Variants in KCNE2 observed in about 807,000 individuals in gnomAD.
KCNE2 encodes the protein potassium voltage-gated channel subfamily E regulatory subunit 2, also known as potassium voltage-gated channel subfamily E member 2.
In KCNE2, 4 loss-of-function variants were observed where a neutral mutation model predicts 4.5. That is an observed-to-expected ratio of 0.89 (90% CI 0.44 to 2.03). The LOEUF is 2.03. Ranked by LOEUF, KCNE2 falls within the 30% of genes most tolerant of loss-of-function variation. The pLI is 0.03. For synonymous variants in KCNE2, 57 were observed against 55.9 expected, an observed-to-expected ratio of 1.02 and a Z score of -0.09; for missense variants, 137 against 151.4, an observed-to-expected ratio of 0.90 and a Z score of 0.50.
intron 1 of KCNE2, among the ~76,000 whole-genome samples, chr21:34,370,041 A>G (rs978070186): frequency 6.6e-6 from 1 of 152,238 alleles, no homozygotes; most frequent in Non-Finnish European, 1.5e-5. Context: ...ATTTTTTAAA[A>G]AACAAAAGTA....
At chr21:34,365,957 C>G (rs942174092) in intron 1 of KCNE2, among the ~76,000 whole-genome samples, 1 of 152,218 alleles carries the variant, frequency 6.6e-6, no homozygotes, top group Non-Finnish European at 1.5e-5. Context: ...GTTTATTTGG[C>G]CTGGCCACGG....
rs1979573641 is a variant in KCNE2 at position 34,371,113 on chromosome 21, CAAT to C, written c.*264_*266del. Reference sequence around the variant, plus strand: ...AAGTGAATGTCATTTTAATCAATATCAATGATGAAAATAAAGCCAAATTTGAAG... The same window carrying C: ...AAGTGAATGTCATTTTAATCAATATCGATGAAAATAAAGCCAAATTTGAAG... On this transcript the variant is annotated 3_prime_UTR_variant, in exon 2 of 2. Coordinates refer to ENST00000290310, the MANE Select transcript of KCNE2 (RefSeq NM_172201.2). The C allele has an allele frequency of 7.7e-6, 4 of 520,480 alleles. No homozygotes were observed. The highest frequency in any genetic ancestry group is 3.5e-5 in the Admixed American group (1 of 28,722). The allele number at this position is 520,480 out of a possible 1,614,324, so 32.2% of individuals were successfully genotyped here. A position where few individuals can be genotyped will look rare whatever the true frequency, so the allele number is the denominator to read the frequency against.
chr21:34,367,695 C>T (rs536350650), intron 1 of KCNE2, among the ~76,000 whole-genome samples: 2 of 152,298 alleles, frequency 1.3e-5, no homozygotes, highest in African/African-American at 4.8e-5. Context: ...TTTGATTATT[C>T]AGCTGATTGA....
In KCNE2 at chr21:34,370,707, C is replaced by T. The variant is rs141423405; in HGVS notation, c.229C>T (p.Arg77Trp). 104 of 1,614,034 alleles carry T rather than the reference C, an allele frequency of 6.4e-5. No individual in the cohort carries two copies. The highest frequency in any genetic ancestry group is 1.0e-4 in the Admixed American group (6 of 59,982). The part of the protein sequence containing the change: ...ILVSTVKSKR[R>W]EHSNDPYHQY... The stretch of plus-strand genomic sequence containing the variant: ...GGTGAGCACTGTGAAATCCAAGAGA[C>T]GGGAACACTCCAATGACCCCTACCA... The change falls in exon 2 of 2, where the codon CGG becomes TGG. Residue 77 changes from arginine to tryptophan, a missense_variant. By Grantham distance (101) the Arg-to-Trp change is moderately radical. Coordinates refer to ENST00000290310, the MANE Select transcript of KCNE2 (RefSeq NM_172201.2).
At chr21:34,366,802 AC>A (rs1476166452) in intron 1 of KCNE2, among the ~76,000 whole-genome samples, 1 of 151,298 alleles carries the variant, frequency 6.6e-6, no homozygotes. Context: ...ACATGGTGAA[AC>A]CCCGTCTGTA....
At chr21:34,370,096 A>C (rs1214412039) in intron 1 of KCNE2, among the ~76,000 whole-genome samples, 1 of 152,258 alleles carries the variant, frequency 6.6e-6, no homozygotes, top group African/African-American at 2.4e-5. Flanking sequence ...AAAAGCATAA[A>C]GAAGAAAATA....
At position 34,371,159 on chromosome 21, in the gene KCNE2, G is replaced by A. The variant is rs571235710; in HGVS notation, c.*309G>A. The stretch of plus-strand genomic sequence containing the variant: ...ATTTGAAGTAAAGTGTCTGGGCAGT[G>A]GCTGTGGGGATAGAAAGGAGAGATT... On this transcript the variant is annotated 3_prime_UTR_variant, in exon 2 of 2. Coordinates refer to ENST00000290310, the MANE Select transcript of KCNE2 (RefSeq NM_172201.2). 1.2e-4 allele frequency: 48 copies of A among 394,880 alleles called. No individual in the cohort carries two copies. Among genetic ancestry groups the A allele is most frequent in the African/African-American group, 6.8e-4 (33 of 48,880 alleles). 24.5% of individuals were successfully genotyped at this position (394,880 alleles called of 1,614,324 possible). A position where few individuals can be genotyped will look rare whatever the true frequency, so the allele number is the denominator to read the frequency against.
At chr21:34,368,053 C>T (rs771862509) in intron 1 of KCNE2, among the ~76,000 whole-genome samples, 2 of 151,734 alleles carry the variant, frequency 1.3e-5, no homozygotes, top group South Asian at 2.1e-4. Flanking sequence ...GCAGTTTCAT[C>T]GCCTAGCATA....
Position 34,370,664 on chromosome 21 carries a change from C to G in KCNE2, c.186C>G (p.Phe62Leu). 1 of 1,614,218 alleles carries G rather than the reference C, an allele frequency of 6.2e-7. No homozygotes were observed. Among genetic ancestry groups the G allele is most frequent in the East Asian group, 2.2e-5 (1 of 44,890 alleles). Residue 62 changes from phenylalanine (F) to leucine (L), a missense_variant, in exon 2 of 2, where the codon TTC becomes TTG. Coordinates refer to ENST00000290310, the MANE Select transcript of KCNE2 (RefSeq NM_172201.2). ...TGGTGATGATTGGAATGTTCTCTTT[C>G]ATCATCGTGGCCATCCTGGTGAGCA... is the stretch of plus-strand genomic sequence containing the variant. ...YLMVMIGMFS[F>L]IIVAILVSTV...
intron 1 of KCNE2, among the ~76,000 whole-genome samples, chr21:34,368,308 T>G (rs1979430467): frequency 6.9e-6 from 1 of 144,794 alleles, no homozygotes; most frequent in Non-Finnish European, 1.5e-5. Context: ...ATGTATGTAT[T>G]AAAAAATCTT....
chr21:34,366,974 CAAAAAAAAAA>C (rs747133749), intron 1 of KCNE2, among the ~76,000 whole-genome samples: 3 of 14,824 alleles, frequency 2.0e-4, no homozygotes, highest in African/African-American at 6.8e-4. Flanking sequence ...GACTCCATCT[CAAAAAAAAAA>C]AAAAAAAAAA....
intron 1 of KCNE2, among the ~76,000 whole-genome samples, chr21:34,368,232 A>ACAC (rs1322748846): frequency 8.8e-4 from 32 of 36,466 alleles, no homozygotes; most frequent in African/African-American, 2.3e-3. Flanking sequence ...CACACACAAT[A>ACAC]TATATATATA....
Position 34,370,831 on chromosome 21 carries a change from G to A in KCNE2, c.353G>A (p.Gly118Glu). Residue 118 changes from glycine to glutamate, a missense_variant, in exon 2 of 2, where the codon GGG (glycine) becomes GAG (glutamate). Transcript: ENST00000290310. ...ATIHENIGAA[G>E]FKMSP is the part of the protein sequence containing the mutation. Reference sequence around the variant, plus strand: ...ATCCATGAGAACATTGGTGCGGCTGGGTTCAAAATGTCCCCCTGATAAGGG... The same window carrying A: ...ATCCATGAGAACATTGGTGCGGCTGAGTTCAAAATGTCCCCCTGATAAGGG... 1 of 1,614,036 alleles carries A rather than the reference G, an allele frequency of 6.2e-7. No homozygotes were observed.
rs1012731688 is a variant in KCNE2 at position 34,367,581 on chromosome 21, A to G, written c.-12-2886A>G. Among the ~76,000 whole-genome samples the G allele has an allele frequency of 5.9e-5, 9 of 152,358 alleles. No homozygotes were observed. The South Asian group carries it at 1.0e-3, about 18-fold the overall frequency. On this transcript the variant is annotated intron_variant, in intron 1 of 1. Coordinates refer to ENST00000290310, the MANE Select transcript of KCNE2 (RefSeq NM_172201.2). ...TAAATAATAGAACTTAAAACATCAGACAGAGAAGAGTATATTATCTTGGTG... is the reference window on the plus strand; with the variant it reads ...TAAATAATAGAACTTAAAACATCAGGCAGAGAAGAGTATATTATCTTGGTG...
intron 1 of KCNE2, among the ~76,000 whole-genome samples, 151 bp from the exon 2 acceptor site, chr21:34,370,316 G>C (rs560353823): frequency 6.6e-6 from 1 of 152,278 alleles, no homozygotes; most frequent in South Asian, 2.1e-4. Flanking sequence ...TCAGTTTAAA[G>C]ACTAACAAAA....
chr21:34,368,514 C>G (rs1979443781), intron 1 of KCNE2, among the ~76,000 whole-genome samples: 1 of 151,842 alleles, frequency 6.6e-6, no homozygotes, highest in African/African-American at 2.4e-5. Context: ...ACAGGAGAAT[C>G]ACTTGAACCT....
rs1335648816 is a variant in KCNE2 at position 34,368,252 on chromosome 21, ATATATATATGTATGT to A, written c.-12-2184_-12-2170del. On this transcript the variant is annotated intron_variant, in intron 1 of 1. Transcript: ENST00000290310. ...ACAATATATATATATATATATATAT[ATATATATATGTATGT>A]TATATATATGTATGTTATATATATG... is the stretch of plus-strand genomic sequence containing the variant. 1.1e-3 allele frequency among the ~76,000 whole-genome samples: 111 copies of A among 105,314 alleles called. 1 individual carries two copies. The highest frequency in any genetic ancestry group is 3.9e-3 in the African/African-American group (88 of 22,672). The allele number at this position is 105,314 out of a possible 152,430, so 69.1% of individuals were successfully genotyped here.
rs1273865901 is a variant in KCNE2 at position 34,370,731 on chromosome 21, C to A, written c.253C>A (p.His85Asn). 6.2e-7 allele frequency: 1 copy of A among 1,614,150 alleles called. No individual in the cohort carries two copies. The highest frequency in any genetic ancestry group is 1.7e-5 in the Admixed American group (1 of 60,020). Residue 85 changes from histidine to asparagine, a missense_variant, in exon 2 of 2, where the codon CAC becomes AAC. Transcript: ENST00000290310. ...ACGGGAACACTCCAATGACCCCTAC[C>A]ACCAGTACATTGTAGAGGACTGGCA... ...KRREHSNDPY[H>N]QYIVEDWQEK...
rs1429248689 is a variant in KCNE2, at chr21:34,370,611, A to G, written c.133A>G (p.Asn45Asp). 1 of 1,614,102 alleles carries G rather than the reference A, an allele frequency of 6.2e-7. No individual in the cohort carries two copies. Among genetic ancestry groups the G allele is most frequent in the East Asian group, 2.2e-5 (1 of 44,904 alleles). Residue 45 changes from asparagine (N) to aspartate (D), a missense_variant, in exon 2 of 2, where the codon AAC (asparagine) becomes GAC (aspartate). Coordinates refer to ENST00000290310, the MANE Select transcript of KCNE2 (RefSeq NM_172201.2). ...CCTCCAAGCCAAAGTTGATGCTGAG[A>G]ACTTCTACTATGTCATCCTGTACCT... ...EALQAKVDAE[N>D]FYYVILYLMV...
Sources: allele counts gnomAD v4.1 joint callset (sites outside exome capture counted in the v4.1 genomes callset), GRCh38; gene constraint gnomAD v4.1.1; transcripts MANE v1.5; gene names NCBI Gene and HGNC (gene_info 2026-07-23, HGNC 2026-07-21).